Variants in CSMD1 observed in about 807,000 individuals in gnomAD.
CSMD1 encodes CUB and sushi domain-containing protein 1.
In CSMD1, 213 loss-of-function variants were observed where a neutral mutation model predicts 417.5. The observed-to-expected ratio is 0.51, with a 90% CI of 0.46 to 0.57. The LOEUF (loss-of-function observed/expected upper bound fraction) is 0.57, where lower values mean the gene tolerates loss of function less well. Among genes scored for constraint, CSMD1 ranks in the 20% least tolerant of loss-of-function variants. CSMD1 has a pLI of 0.00. For synonymous variants in CSMD1, 2,862 were observed against 1,736.8 expected, an observed-to-expected ratio of 1.65 and a Z score of -16.11; for missense variants, 6,923 against 4,529.7, an observed-to-expected ratio of 1.53 and a Z score of -15.17.
At chr8:3,316,703 CAG>C (rs1805789835) in intron 23 of CSMD1, among the ~76,000 whole-genome samples, 1 of 151,962 alleles carries the variant, frequency 6.6e-6, no homozygotes, top group African/African-American at 2.4e-5. Context: ...GTGATGGAGA[CAG>C]GGATTGAAGG....
rs542056539 is a variant in CSMD1 at position 3,389,477 on chromosome 8, G to A, written c.2594-1795C>T. 2.6e-5 allele frequency among the ~76,000 whole-genome samples: 4 copies of A among 152,220 alleles called. No individual in the cohort carries two copies. In the East Asian group the frequency reaches 5.8e-4, roughly 22 times the overall value. ...CCTCAAAAGAAGAAGCTCTGCTGAA[G>A]AAATGCACTGATCTCTAGGTTTCTG... On this transcript the variant is annotated intron_variant, in intron 17 of 69. Transcript: ENST00000635120.
At chr8:4,442,392 C>G (rs1036225396) in intron 2 of CSMD1, among the ~76,000 whole-genome samples, 19 of 152,162 alleles carry the variant, frequency 1.2e-4, no homozygotes, top group African/African-American at 4.3e-4. Flanking sequence ...ATTAACAAAG[C>G]CTACGTTTCC....
Position 3,348,091 on chromosome 8 carries a change from A to G in CSMD1, c.3375T>C (p.Asp1125=). 6.2e-7 allele frequency: 1 copy of G among 1,612,770 alleles called. No individual in the cohort carries two copies. The highest frequency in any genetic ancestry group is 8.5e-7 in the Non-Finnish European group (1 of 1,179,260). ...LLSPNFPSNY[D]NNHECIYKIE... The stretch of plus-strand genomic sequence containing the variant: ...TTTTATAGATACACTCATGGTTATT[A>G]TCATAATTGGATGGAAAATTTGGAG... The change falls in exon 22 of 70, where the codon GAT becomes GAC. Residue 1125 remains aspartate, a synonymous_variant. Transcript: ENST00000635120.
chr8:3,425,992 G>C (rs1045641218), intron 12 of CSMD1, among the ~76,000 whole-genome samples: 3 of 152,102 alleles, frequency 2.0e-5, no homozygotes, highest in African/African-American at 4.8e-5. Flanking sequence ...GAACAAAAAA[G>C]CTGGGTCTAT....
intron 5 of CSMD1, among the ~76,000 whole-genome samples, chr8:3,853,488 C>T (rs1411640237): frequency 6.6e-6 from 1 of 152,142 alleles, no homozygotes; most frequent in Non-Finnish European, 1.5e-5. Context: ...CTACGTTGTT[C>T]ACAGACACTT....
At chr8:4,207,682 T>C (rs1229930141) in intron 3 of CSMD1, among the ~76,000 whole-genome samples, 1 of 152,138 alleles carries the variant, frequency 6.6e-6, no homozygotes, top group African/African-American at 2.4e-5. Context: ...CATTCACATG[T>C]ACATTTCAAA....
intron 3 of CSMD1, among the ~76,000 whole-genome samples, chr8:4,312,812 T>A (rs1278588905): frequency 2.0e-5 from 3 of 152,068 alleles, no homozygotes; most frequent in Non-Finnish European, 4.4e-5. Flanking sequence ...TGGTGGAGGT[T>A]GCAGTTAGCT....
intron 11 of CSMD1, among the ~76,000 whole-genome samples, chr8:3,488,004 C>G (rs1258324783): frequency 1.4e-5 from 2 of 148,102 alleles, no homozygotes; most frequent in South Asian, 2.1e-4. Context: ...AAAAAAGACC[C>G]TACAAACGCA....
chr8:4,710,942 C>G (rs554891725), intron 1 of CSMD1, among the ~76,000 whole-genome samples: 3 of 152,044 alleles, frequency 2.0e-5, no homozygotes, highest in South Asian at 2.1e-4. Context: ...AAGGACCATG[C>G]CCTATCCTGA....
At chr8:3,245,627 C>T (rs1242872328) in intron 26 of CSMD1, among the ~76,000 whole-genome samples, 1 of 152,182 alleles carries the variant, frequency 6.6e-6, no homozygotes, top group Non-Finnish European at 1.5e-5. Flanking sequence ...GAGCCTAAAT[C>T]TTCCGCAGGC....
intron 5 of CSMD1, among the ~76,000 whole-genome samples, chr8:3,848,281 G>T (rs775750838): frequency 6.6e-6 from 1 of 152,186 alleles, no homozygotes; most frequent in Non-Finnish European, 1.5e-5. Context: ...GCCCAACAGG[G>T]GAGCTCATTC....
At chr8:4,728,923 G>C (rs559815944) in intron 1 of CSMD1, among the ~76,000 whole-genome samples, 1 of 152,158 alleles carries the variant, frequency 6.6e-6, no homozygotes, top group African/African-American at 2.4e-5. Flanking sequence ...GCATTACAAC[G>C]TTAAGGTAAC....
At chr8:3,338,811 C>A (rs1039247074) in intron 23 of CSMD1, among the ~76,000 whole-genome samples, 1 of 141,064 alleles carries the variant, frequency 7.1e-6, no homozygotes, top group African/African-American at 2.6e-5. Flanking sequence ...TCCAGCCTTT[C>A]TTTTTTTTTT....
intron 3 of CSMD1, among the ~76,000 whole-genome samples, chr8:4,066,284 T>C (rs1300749474): frequency 2.0e-5 from 3 of 152,196 alleles, no homozygotes; most frequent in South Asian, 4.1e-4. Context: ...TCTTTCTCTG[T>C]ACGACCTTAA....
intron 12 of CSMD1, among the ~76,000 whole-genome samples, chr8:3,451,046 T>A (rs1326624019): frequency 6.6e-6 from 1 of 152,250 alleles, no homozygotes; most frequent in Non-Finnish European, 1.5e-5. Context: ...GGTTTTGATT[T>A]GCATTTCTCT....
chr8:4,508,314 T>A (rs1005202632), intron 2 of CSMD1, among the ~76,000 whole-genome samples: 4 of 152,058 alleles, frequency 2.6e-5, no homozygotes, highest in South Asian at 2.1e-4. Context: ...GATGATATGT[T>A]TTTCCTTCGA....
chr8:4,798,150 T>C (rs1218494636), intron 1 of CSMD1, among the ~76,000 whole-genome samples: 1 of 152,222 alleles, frequency 6.6e-6, no homozygotes, highest in Middle Eastern at 3.2e-3. Flanking sequence ...CTCCTAATGC[T>C]ATCCCTCCCC....
At chr8:3,606,630 G>A (rs1438772038) in intron 8 of CSMD1, among the ~76,000 whole-genome samples, 1 of 151,896 alleles carries the variant, frequency 6.6e-6, no homozygotes. Context: ...CTGTATCCTT[G>A]GGCCACTATA....
intron 5 of CSMD1, among the ~76,000 whole-genome samples, chr8:3,832,660 G>C (rs549637537): frequency 3.3e-5 from 5 of 152,160 alleles, no homozygotes; most frequent in South Asian, 2.1e-4. Flanking sequence ...ACGAAACTGA[G>C]ATTCAAGGAC....
Sources: gnomAD v4.1 joint callset for allele counts (sites outside exome capture counted in the v4.1 genomes callset) on GRCh38, gnomAD v4.1.1 for gene constraint, MANE v1.5 for transcripts, NCBI Gene and HGNC (gene_info 2026-07-23, HGNC 2026-07-21) for gene names.